Variants in IL7 observed in about 807,000 individuals in gnomAD.
IL7 encodes interleukin-7.
IL7 carries 3 observed loss-of-function variants against 21.6 expected under a neutral mutation model. That is an observed-to-expected ratio of 0.14 (90% CI 0.06 to 0.36). The LOEUF (loss-of-function observed/expected upper bound fraction) is 0.36, where lower values mean the gene tolerates loss of function less well. IL7 is among the 10% of genes least tolerant of loss of function. The pLI is 1.00. For missense variants in IL7, 175 were observed against 200.2 expected (o/e 0.87, Z 0.76); for synonymous variants, 62 against 68.1 (o/e 0.91, Z 0.44).
chr8:78,722,677 A>G (rs1811262728), intron 3 of IL7, among the ~76,000 whole-genome samples: 1 of 151,996 alleles, frequency 6.6e-6, no homozygotes. Flanking sequence ...ATATCTACAA[A>G]GAGTTAAGAT....
intron 2 of IL7, among the ~76,000 whole-genome samples, chr8:78,762,846 A>G (rs1812624250): frequency 6.6e-6 from 1 of 152,104 alleles, no homozygotes. Context: ...CATATTTCTC[A>G]TGTCCTTACC....
At chr8:78,801,132 T>C (rs1235606435) in intron 1 of IL7, among the ~76,000 whole-genome samples, 2 of 152,232 alleles carry the variant, frequency 1.3e-5, no homozygotes, top group African/African-American at 4.8e-5. Context: ...GTGTTTTCTG[T>C]TGCCATTGTT....
At chr8:78,770,006 C>T (rs1425226830) in intron 2 of IL7, among the ~76,000 whole-genome samples, 2 of 152,136 alleles carry the variant, frequency 1.3e-5, no homozygotes, top group Non-Finnish European at 2.9e-5. Context: ...AACTGGATCC[C>T]TTCCTTACAC....
At chr8:78,680,286 C>CAAAAAAAA (rs3070855) in intron 4 of IL7, among the ~76,000 whole-genome samples, 1 of 88,150 alleles carries the variant, frequency 1.1e-5, no homozygotes, top group African/African-American at 4.5e-5. Context: ...GACTCCGTCT[C>CAAAAAAAA]AAAAAAAAAA....
chr8:78,691,818 A>G (rs1810221839), intron 3 of IL7, among the ~76,000 whole-genome samples: 1 of 151,882 alleles, frequency 6.6e-6, no homozygotes, highest in African/African-American at 2.4e-5. Flanking sequence ...ATTGTTTCAT[A>G]TATGTAACTC....
intron 3 of IL7, among the ~76,000 whole-genome samples, chr8:78,706,922 TTTC>T (rs1259841391): frequency 6.6e-6 from 1 of 152,182 alleles, no homozygotes; most frequent in Non-Finnish European, 1.5e-5. Context: ...TTAAGTGATT[TTTC>T]TTATTGTTGT....
chr8:78,779,129 TAAG>T (rs1813229929), intron 2 of IL7, among the ~76,000 whole-genome samples: 1 of 152,238 alleles, frequency 6.6e-6, no homozygotes, highest in South Asian at 2.1e-4. Context: ...CTTATCAGCT[TAAG>T]AAGCTTTTGG....
chr8:78,682,319 A>G (rs1809813678), intron 4 of IL7, among the ~76,000 whole-genome samples: 1 of 152,090 alleles, frequency 6.6e-6, no homozygotes, highest in Non-Finnish European at 1.5e-5. Context: ...CCATTTTCCT[A>G]CTGCTATTAA....
intron 2 of IL7, among the ~76,000 whole-genome samples, chr8:78,764,623 A>C (rs755749487): frequency 7.2e-5 from 11 of 152,152 alleles, no homozygotes; most frequent in Non-Finnish European, 1.5e-4. Context: ...AATCTAAAAA[A>C]AAATGTCCAA....
intron 2 of IL7, 144 bp downstream of exon 2, chr8:78,797,928 A>T: frequency 1.9e-6 from 1 of 518,786 alleles, no homozygotes; most frequent in Non-Finnish European, 3.4e-6. Context: ...AAAAATATAC[A>T]GTTAGTAGCT....
At chr8:78,773,123 T>C (rs1461038596) in intron 2 of IL7, among the ~76,000 whole-genome samples, 3 of 152,180 alleles carry the variant, frequency 2.0e-5, no homozygotes, top group African/African-American at 4.8e-5. Context: ...GGCTGGAGTC[T>C]ATCTCAGCAG....
chr8:78,777,227 T>C (rs780872785), intron 2 of IL7, among the ~76,000 whole-genome samples: 2 of 152,032 alleles, frequency 1.3e-5, no homozygotes, highest in African/African-American at 2.4e-5. Context: ...AATACCAATA[T>C]AGTAATTTTC....
chr8:78,774,789 C>A (rs1813077522), intron 2 of IL7, among the ~76,000 whole-genome samples: 1 of 152,014 alleles, frequency 6.6e-6, no homozygotes, highest in Admixed American at 6.6e-5. Flanking sequence ...TATGGTGTTT[C>A]AGAATAATAT....
chr8:78,697,263 C>T, intron 3 of IL7: 5 of 616,016 alleles, frequency 8.1e-6, no homozygotes, highest in Middle Eastern at 3.7e-4. Flanking sequence ...TGATGTGCAA[C>T]CATCATCACC....
At chr8:78,713,107 A>G (rs1417329888), downstream of IL7, among the ~76,000 whole-genome samples, 2 of 152,190 alleles carry the variant, frequency 1.3e-5, no homozygotes. Flanking sequence ...AGATGGATTA[A>G]GTACAATTCC....
At chr8:78,701,101 A>G (rs1411523118) in intron 3 of IL7, among the ~76,000 whole-genome samples, 2 of 152,204 alleles carry the variant, frequency 1.3e-5, no homozygotes, top group African/African-American at 2.4e-5. Context: ...CATTTTAACA[A>G]TATTGATTCT....
intron 2 of IL7, among the ~76,000 whole-genome samples, chr8:78,751,802 C>T (rs908244119): frequency 2.0e-5 from 3 of 152,146 alleles, no homozygotes; most frequent in Non-Finnish European, 4.4e-5. Context: ...GCTTTCTGAG[C>T]ATATACAATA....
chr8:78,736,032 T>A (rs1811581319), intron 5 of IL7, among the ~76,000 whole-genome samples: 1 of 150,802 alleles, frequency 6.6e-6, no homozygotes, highest in Admixed American at 6.6e-5. Context: ...TATTATATAT[T>A]ATTTATACTG....
intron 2 of IL7, among the ~76,000 whole-genome samples, chr8:78,747,819 T>A (rs537794775): frequency 3.9e-5 from 6 of 152,278 alleles, no homozygotes; most frequent in African/African-American, 1.4e-4. Flanking sequence ...ATAACAGCAA[T>A]CAATTCCCAA....
Sources: allele counts gnomAD v4.1 joint callset (sites outside exome capture counted in the v4.1 genomes callset), GRCh38; gene constraint gnomAD v4.1.1; transcripts MANE v1.5; gene names NCBI Gene and HGNC (gene_info 2026-07-23, HGNC 2026-07-21).